The following SLTM variants were observed in gnomAD, a reference collection of about 807,000 sequenced individuals.
SLTM encodes the protein SAFB like transcription modulator, also known as SAFB-like transcription modulator.
Under a neutral mutation model 134.6 loss-of-function variants are expected in SLTM, and 43 were observed. The ratio of observed to expected loss-of-function variants is 0.32; its 90% CI spans 0.25 to 0.41. The LOEUF is 0.41. Ranked by LOEUF, SLTM falls within the 10% of genes least tolerant of loss-of-function variation. SLTM has a pLI of 1.00. For synonymous variants in SLTM, 424 were observed against 432.3 expected (o/e 0.98, Z 0.24); for missense variants, 1,055 against 1,288.8 (o/e 0.82, Z 2.78).
At chr15:58,895,092 C>A (rs528714193) in intron 9 of SLTM, among the ~76,000 whole-genome samples, 1 of 152,266 alleles carries the variant, frequency 6.6e-6, no homozygotes, top group South Asian at 2.1e-4. Context: ...AGCAATTTAA[C>A]CTTTTTATAT....
intron 3 of SLTM, among the ~76,000 whole-genome samples, chr15:58,916,243 G>A (rs2036638963): frequency 6.8e-6 from 1 of 146,770 alleles, no homozygotes; most frequent in Non-Finnish European, 1.5e-5. Context: ...GCACAATTTC[G>A]GCTCACTGCA....
Position 58,890,475 on chromosome 15 carries a change from G to T in SLTM, c.1899-14C>A, listed in dbSNP as rs1409357920. 7.5e-6 allele frequency: 12 copies of T among 1,610,578 alleles called. No homozygotes were observed. Among genetic ancestry groups the T allele is most frequent in the Non-Finnish European group, 1.0e-5 (12 of 1,179,100 alleles). ...ATCTCTCTTCGTCTACCAAAAATCA[G>T]TATTTAGAAATACTTAAATTATGCT... On this transcript the variant is annotated splice_polypyrimidine_tract_variant and intron_variant, in intron 14 of 20. Coordinates refer to ENST00000380516, the MANE Select transcript of SLTM (RefSeq NM_024755.4).
intron 5 of SLTM, among the ~76,000 whole-genome samples, chr15:58,907,568 G>T (rs1159538818): frequency 6.6e-6 from 1 of 152,048 alleles, no homozygotes. Context: ...CTGCAGTCAG[G>T]GGAGATCGCG....
chr15:58,886,905 A>T (rs2034253804), intron 19 of SLTM, 70 bp downstream of exon 19: 2 of 1,584,222 alleles, frequency 1.3e-6, no homozygotes, highest in African/African-American at 2.7e-5. Context: ...GCTACTGTAT[A>T]TCCAGAGTAG....
At chr15:58,931,343 A>C (rs1567169845) in intron 2 of SLTM, among the ~76,000 whole-genome samples, 2 of 152,334 alleles carry the variant, frequency 1.3e-5, no homozygotes, top group African/African-American at 4.8e-5. Flanking sequence ...TAAAATAGTG[A>C]GTTGTCCTCA....
chr15:58,881,357 C>T (rs1396590686), intron 20 of SLTM, among the ~76,000 whole-genome samples: 1 of 151,842 alleles, frequency 6.6e-6, no homozygotes, highest in Non-Finnish European at 1.5e-5. Flanking sequence ...AAACCTCCAT[C>T]TCTACTAAAA....
At chr15:58,918,741 G>T (rs1723610340) in intron 2 of SLTM, among the ~76,000 whole-genome samples, 1 of 151,984 alleles carries the variant, frequency 6.6e-6, no homozygotes, top group Non-Finnish European at 1.5e-5. Flanking sequence ...TATAATTACT[G>T]TCATCATTCT....
chr15:58,924,373 A>C (rs1455754305), intron 2 of SLTM, among the ~76,000 whole-genome samples: 1 of 152,248 alleles, frequency 6.6e-6, no homozygotes, highest in Non-Finnish European at 1.5e-5. Flanking sequence ...TATGTAGCAT[A>C]AATTTGTATA....
chr15:58,893,741 G>A, intron 12 of SLTM, 80 bp downstream of exon 12: 1 of 1,443,028 alleles, frequency 6.9e-7, no homozygotes, highest in Non-Finnish European at 9.3e-7. Flanking sequence ...ATCTGGATTA[G>A]AATTTCAGGT....
At chr15:58,912,469 A>T in intron 5 of SLTM, 94 bp downstream of exon 5, 1 of 1,065,570 alleles carries the variant, frequency 9.4e-7, no homozygotes, top group Non-Finnish European at 1.5e-6. Flanking sequence ...TAAGACAGTT[A>T]TATGAATTAA....
chr15:58,883,793 G>T lies in SLTM; in HGVS notation c.2836-7C>A, dbSNP rs1299456819. ...GTCGCTCCTCAGGATAGTGCTAAAAGAATAGCATATGAAAAGTCACTTGGC... is the reference window on the plus strand; with the variant it reads ...GTCGCTCCTCAGGATAGTGCTAAAATAATAGCATATGAAAAGTCACTTGGC... On this transcript the variant is annotated splice_region_variant and splice_polypyrimidine_tract_variant and intron_variant, in intron 19 of 20. Transcript: ENST00000380516. The T allele has an allele frequency of 6.2e-7, 1 of 1,613,458 alleles. No individual in the cohort carries two copies. Among genetic ancestry groups the T allele is most frequent in the Admixed American group, 1.7e-5 (1 of 59,998 alleles).
chr15:58,881,201 A>G (rs2033680013), intron 20 of SLTM, among the ~76,000 whole-genome samples: 1 of 151,950 alleles, frequency 6.6e-6, no homozygotes, highest in Admixed American at 6.5e-5. Context: ...CTCAAAAAAG[A>G]AAAAACTTTA....
intron 2 of SLTM, among the ~76,000 whole-genome samples, chr15:58,930,630 C>A (rs933612138): frequency 6.6e-5 from 10 of 151,650 alleles, no homozygotes; most frequent in Admixed American, 3.3e-4. Flanking sequence ...GGAGGGATCA[C>A]TTAAGCCCAG....
intron 2 of SLTM, among the ~76,000 whole-genome samples, chr15:58,919,353 G>C (rs1455125006): frequency 6.6e-6 from 1 of 152,128 alleles, no homozygotes; most frequent in Non-Finnish European, 1.5e-5. Flanking sequence ...CCAGCATTTT[G>C]GGAGGCTGGA....
At chr15:58,920,423 A>C (rs1480154286) in intron 2 of SLTM, among the ~76,000 whole-genome samples, 3 of 152,030 alleles carry the variant, frequency 2.0e-5, no homozygotes, top group African/African-American at 4.8e-5. Flanking sequence ...TAGGAGTTTG[A>C]GACCAGCCTG....
rs1236691125 is a variant in SLTM, at chr15:58,899,265, G to A, written c.1058+204C>T. 3 of 473,118 alleles carry A rather than the reference G, an allele frequency of 6.3e-6. No individual in the cohort carries two copies. The highest frequency in any genetic ancestry group is 3.3e-5 in the East Asian group (1 of 29,974). 29.3% of individuals were successfully genotyped at this position (473,118 alleles called of 1,614,324 possible). ...AAAAACCAAATATATGCTGACATTC[G>A]ACAATGCAATCAGTAGAACACACTG... On this transcript the variant is annotated intron_variant, in intron 7 of 20. Coordinates refer to ENST00000380516, the MANE Select transcript of SLTM (RefSeq NM_024755.4). This position sits in a 1 kb window ranked among gnomAD's most constrained non-coding sequence, Gnocchi z 5.0.
chr15:58,914,305 T>C (rs1045583317), intron 3 of SLTM, among the ~76,000 whole-genome samples: 1 of 152,260 alleles, frequency 6.6e-6, no homozygotes, highest in African/African-American at 2.4e-5. Context: ...CTTAATTTCC[T>C]GATTAAATGA....
intron 9 of SLTM, among the ~76,000 whole-genome samples, chr15:58,896,434 C>T (rs1380610718): frequency 2.0e-5 from 3 of 151,998 alleles, no homozygotes; most frequent in Admixed American, 6.6e-5. Flanking sequence ...GTTGCTCATG[C>T]CTGTAATCCC....
intron 5 of SLTM, among the ~76,000 whole-genome samples, chr15:58,910,725 T>C (rs2036208021): frequency 6.6e-6 from 1 of 151,206 alleles, no homozygotes; most frequent in African/African-American, 2.4e-5. Context: ...ATTTGAGAGT[T>C]AATTTTTCTC....
Sources: allele counts gnomAD v4.1 joint callset (sites outside exome capture counted in the v4.1 genomes callset), GRCh38; gene constraint gnomAD v4.1.1; non-coding constraint Gnocchi (gnomAD v3.1); transcripts MANE v1.5; gene names NCBI Gene and HGNC (gene_info 2026-07-23, HGNC 2026-07-21).